The following DGKB variants were observed in gnomAD, a reference collection of about 807,000 sequenced individuals.
DGKB encodes the protein diacylglycerol kinase beta.
In DGKB, 67 loss-of-function variants were observed where a neutral mutation model predicts 114.3. That is an observed-to-expected ratio of 0.59 (90% CI 0.48 to 0.72). The LOEUF (loss-of-function observed/expected upper bound fraction) is 0.72, where lower values mean the gene tolerates loss of function less well. Ranked by LOEUF, DGKB falls within the 30% of genes least tolerant of loss-of-function variation. The pLI, the probability that DGKB is intolerant of heterozygous loss-of-function variation, is 0.00. For missense variants in DGKB, 907 were observed against 975.2 expected (o/e 0.93, Z 0.93); for synonymous variants, 398 against 323.1 (o/e 1.23, Z -2.49).
At chr7:14,312,724 TG>T (rs1218027132) in intron 23 of DGKB, among the ~76,000 whole-genome samples, 1 of 152,208 alleles carries the variant, frequency 6.6e-6, no homozygotes, top group Non-Finnish European at 1.5e-5. Flanking sequence ...TATTCAGACT[TG>T]GGTATCTTGG....
chr7:14,261,965 G>C (rs912052898), intron 23 of DGKB, among the ~76,000 whole-genome samples: 1 of 152,154 alleles, frequency 6.6e-6, no homozygotes, highest in East Asian at 1.9e-4. Flanking sequence ...ATGATAATAC[G>C]ATTATGCATA....
intron 19 of DGKB, among the ~76,000 whole-genome samples, chr7:14,578,836 G>T (rs1345944556): frequency 6.6e-6 from 1 of 152,178 alleles, no homozygotes; most frequent in East Asian, 1.9e-4. Flanking sequence ...GCTTCACTTT[G>T]CATGACAAAT....
At chr7:14,875,095 A>G (rs1419805058) in intron 1 of DGKB, among the ~76,000 whole-genome samples, 3 of 152,118 alleles carry the variant, frequency 2.0e-5, no homozygotes, top group African/African-American at 7.2e-5. Flanking sequence ...TGATGGAGCT[A>G]AGATGAATTC....
At chr7:14,649,145 C>T (rs533528109) in intron 13 of DGKB, among the ~76,000 whole-genome samples, 26 of 117,098 alleles carry the variant, frequency 2.2e-4, no homozygotes, top group South Asian at 2.2e-3. Context: ...ATACAGAGAA[C>T]GCCACAAAGA....
chr7:14,887,760 A>G (rs922702291), intron 1 of DGKB, among the ~76,000 whole-genome samples: 1 of 151,826 alleles, frequency 6.6e-6, no homozygotes, highest in Non-Finnish European at 1.5e-5. Context: ...ATTGTATCAT[A>G]TATTTAATTT....
chr7:14,700,053 A>G lies in DGKB; in HGVS notation c.516+1628T>C, dbSNP rs377605868. 4.6e-5 allele frequency among the ~76,000 whole-genome samples: 7 copies of G among 152,268 alleles called. No homozygotes were observed. In the East Asian group the frequency reaches 1.3e-3, roughly 29 times the overall value. ...AAATAGAATTTGCATTAGTGTAGTC[A>G]CAAGTGCTATACTAAGCATATTAAA... On this transcript the variant is annotated intron_variant, in intron 7 of 25. Transcript: ENST00000402815.
At chr7:14,332,875 G>C (rs568070358) in intron 23 of DGKB, among the ~76,000 whole-genome samples, 1 of 152,002 alleles carries the variant, frequency 6.6e-6, no homozygotes, top group East Asian at 1.9e-4. Context: ...ATAAACTTTT[G>C]CATGATGGGT....
intron 13 of DGKB, among the ~76,000 whole-genome samples, chr7:14,631,673 A>T (rs958900094): frequency 1.3e-5 from 2 of 152,010 alleles, no homozygotes; most frequent in Non-Finnish European, 2.9e-5. Flanking sequence ...TCTGAGTCCA[A>T]ATCAGTCTAC....
intron 23 of DGKB, among the ~76,000 whole-genome samples, chr7:14,220,688 T>C (rs1001108545): frequency 1.3e-5 from 2 of 151,608 alleles, no homozygotes; most frequent in Non-Finnish European, 3.0e-5. Flanking sequence ...AGTGATTGCA[T>C]TGAATCTGTA....
chr7:14,656,602 A>G (rs1245213426), intron 13 of DGKB, among the ~76,000 whole-genome samples: 1 of 151,490 alleles, frequency 6.6e-6, no homozygotes, highest in Non-Finnish European at 1.5e-5. Flanking sequence ...TGAACTTCCA[A>G]TTCATGTCTT....
intron 21 of DGKB, among the ~76,000 whole-genome samples, chr7:14,382,760 A>C (rs556033089): frequency 1.4e-4 from 21 of 152,298 alleles, no homozygotes; most frequent in Non-Finnish European, 2.9e-4. Flanking sequence ...TTGGGAAGAA[A>C]TAACAGAGAG....
At chr7:14,314,444 G>A (rs1255500754) in intron 23 of DGKB, among the ~76,000 whole-genome samples, 1 of 151,836 alleles carries the variant, frequency 6.6e-6, no homozygotes, top group African/African-American at 2.4e-5. Flanking sequence ...TAAAGGAGCT[G>A]ATGGAGCTGA....
intron 2 of DGKB, among the ~76,000 whole-genome samples, chr7:14,830,439 C>A (rs1055519964): frequency 1.3e-5 from 2 of 151,914 alleles, no homozygotes; most frequent in Non-Finnish European, 2.9e-5. Flanking sequence ...GGCTGTAAAC[C>A]AGAAATATTT....
chr7:14,421,578 A>G (rs1014473976), intron 21 of DGKB, among the ~76,000 whole-genome samples: 4 of 152,120 alleles, frequency 2.6e-5, no homozygotes, highest in Admixed American at 2.0e-4. Context: ...AATTGCCTCT[A>G]GAAGTTTTGA....
chr7:14,914,947 C>A (rs1402183444), intron 1 of DGKB, among the ~76,000 whole-genome samples: 3 of 151,738 alleles, frequency 2.0e-5, no homozygotes, highest in African/African-American at 7.3e-5. Context: ...AGCTTGAACA[C>A]AGGAGGAAAA....
chr7:14,189,718 C>T (rs1474252525), intron 23 of DGKB, among the ~76,000 whole-genome samples: 4 of 151,944 alleles, frequency 2.6e-5, no homozygotes, highest in South Asian at 2.1e-4. Flanking sequence ...AAAGATATTC[C>T]GTGCAAACAA....
chr7:14,487,770 CTT>C (rs34694067), intron 20 of DGKB, among the ~76,000 whole-genome samples: 4 of 141,612 alleles, frequency 2.8e-5, no homozygotes, highest in Admixed American at 1.4e-4. Context: ...GCCTGACTAA[CTT>C]TTTTTTTTTT....
chr7:14,311,534 C>T (rs1356776468), intron 23 of DGKB, among the ~76,000 whole-genome samples: 3 of 152,102 alleles, frequency 2.0e-5, no homozygotes, highest in Non-Finnish European at 2.9e-5. Flanking sequence ...GTGATCCTCC[C>T]ACCTCAGTCT....
intron 1 of DGKB, among the ~76,000 whole-genome samples, chr7:14,860,860 T>C (rs1322230155): frequency 6.6e-6 from 1 of 151,966 alleles, no homozygotes; most frequent in African/African-American, 2.4e-5. Context: ...AGAAAATTTA[T>C]AGATTTTGTG....
Sources: allele counts gnomAD v4.1 joint callset (sites outside exome capture counted in the v4.1 genomes callset), GRCh38; gene constraint gnomAD v4.1.1; transcripts MANE v1.5; gene names NCBI Gene and HGNC (gene_info 2026-07-23, HGNC 2026-07-21).